The following GCSAML variants were observed in gnomAD, a reference collection of about 807,000 sequenced individuals.
GCSAML encodes germinal center associated signaling and motility like, also known as germinal center-associated signaling and motility-like protein.
A neutral mutation model predicts 13.0 loss-of-function variants in GCSAML; 9 were observed. That is an observed-to-expected ratio of 0.69 (90% CI 0.42 to 1.21). GCSAML has a LOEUF of 1.21. Ranked by LOEUF, GCSAML falls within the 50% of genes most tolerant of loss-of-function variation. The pLI is 0.00. For missense variants in GCSAML, 143 were observed against 153.4 expected (o/e 0.93, Z 0.36); for synonymous variants, 37 against 52.9 (o/e 0.70, Z 1.31).
chr1:247,560,205 T>TAG (rs1668076650), intron 2 of GCSAML, among the ~76,000 whole-genome samples: 1 of 152,226 alleles, frequency 6.6e-6, no homozygotes, highest in Admixed American at 6.5e-5. Context: ...GAACGACAGA[T>TAG]AACTGAGTGG....
intron 1 of GCSAML, among the ~76,000 whole-genome samples, chr1:247,550,503 G>A (rs893899977): frequency 6.6e-6 from 1 of 152,236 alleles, no homozygotes; most frequent in South Asian, 2.1e-4. Flanking sequence ...CGGGCGTGGT[G>A]GTGGGCACCT....
intron 2 of GCSAML, chr1:247,532,179 G>A (rs752389595): frequency 3.1e-6 from 5 of 1,614,066 alleles, no homozygotes; most frequent in Non-Finnish European, 4.2e-6. Flanking sequence ...GGACACACTC[G>A]GTTGCCCCCA....
At chr1:247,559,891 C>A (rs565241078) in intron 2 of GCSAML, among the ~76,000 whole-genome samples, 2 of 152,148 alleles carry the variant, frequency 1.3e-5, no homozygotes, top group Admixed American at 6.5e-5. Context: ...AATCTTATGA[C>A]CTTGTTTTAA....
chr1:247,570,815 A>C (rs1176058), intron 4 of GCSAML, among the ~76,000 whole-genome samples: 1 of 151,808 alleles, frequency 6.6e-6, no homozygotes. Flanking sequence ...GGGTGTTAAA[A>C]TCTCCCACTA....
chr1:247,525,037 C>T (rs750153949), intron 1 of GCSAML: 6 of 152,162 alleles, frequency 3.9e-5, no homozygotes, highest in Non-Finnish European at 8.8e-5. Flanking sequence ...GTTAGTGAAA[C>T]TGTGAGAATA....
At chr1:247,561,988 C>A (rs1668148884) in intron 2 of GCSAML, among the ~76,000 whole-genome samples, 1 of 152,130 alleles carries the variant, frequency 6.6e-6, no homozygotes, top group Non-Finnish European at 1.5e-5. Context: ...AGGCTTAAGA[C>A]CTGTCCTCTT....
intron 2 of GCSAML, among the ~76,000 whole-genome samples, chr1:247,536,608 G>T (rs1412188545): frequency 6.6e-6 from 1 of 152,178 alleles, no homozygotes; most frequent in African/African-American, 2.4e-5. Context: ...GAGCCTGAGG[G>T]TGATGGCATA....
chr1:247,509,601 C>T (rs533310362), intron 1 of GCSAML, among the ~76,000 whole-genome samples: 18 of 152,250 alleles, frequency 1.2e-4, no homozygotes, highest in African/African-American at 4.3e-4. Context: ...AAAATGCTTC[C>T]AGCTTTTGCC....
intron 3 of GCSAML, among the ~76,000 whole-genome samples, chr1:247,564,771 A>G (rs1258697837): frequency 6.6e-6 from 1 of 152,194 alleles, no homozygotes; most frequent in Non-Finnish European, 1.5e-5. Flanking sequence ...ATGGGGATGG[A>G]TTTCCTATTC....
intron 2 of GCSAML, chr1:247,528,346 A>G (rs960373665): frequency 3.3e-5 from 5 of 152,236 alleles, no homozygotes; most frequent in African/African-American, 1.2e-4. Context: ...GGTAATTAAC[A>G]TATCCATTAC....
intron 2 of GCSAML, chr1:247,528,901 A>G (rs1305426184): frequency 6.6e-6 from 1 of 152,184 alleles, no homozygotes; most frequent in East Asian, 1.9e-4. Context: ...CATCCACTGC[A>G]GAGATGGATC....
At chr1:247,514,429 T>C (rs1156393869) in intron 1 of GCSAML, among the ~76,000 whole-genome samples, 2 of 152,260 alleles carry the variant, frequency 1.3e-5, no homozygotes, top group Non-Finnish European at 2.9e-5. Context: ...CAGTTGTCTG[T>C]TAACTCTGCT....
chr1:247,552,879 C>T (rs1348213436), intron 1 of GCSAML, among the ~76,000 whole-genome samples: 3 of 152,108 alleles, frequency 2.0e-5, no homozygotes, highest in Non-Finnish European at 2.9e-5. Flanking sequence ...CCTCAGCCTA[C>T]CGAGTAGCTG....
At chr1:247,538,649 A>G (rs1244061127) in intron 2 of GCSAML, 1 of 433,566 alleles carries the variant, frequency 2.3e-6, no homozygotes, top group Non-Finnish European at 4.6e-6. Context: ...TGCCTACCCC[A>G]GTCTCTTTCT....
intron 2 of GCSAML, chr1:247,532,639 T>C (rs1572320861): frequency 1.1e-6 from 1 of 933,654 alleles, no homozygotes; most frequent in Non-Finnish European, 1.6e-6. Context: ...TATGTTATTC[T>C]TTTTTAGAGA....
Position 247,573,555 on chromosome 1 carries a change from A to G in GCSAML, c.169-588A>G, listed in dbSNP as rs549906255. Among the ~76,000 whole-genome samples the G allele has an allele frequency of 4.6e-5, 7 of 152,188 alleles. No individual in the cohort carries two copies. In the East Asian group the frequency reaches 1.4e-3, roughly 29 times the overall value. On this transcript the variant is annotated intron_variant, in intron 4 of 4. Transcript: ENST00000366488. ...CCAGTCCCAATGAGATGAACTGGGT[A>G]CCTCAGTTGGAAATGCAGAAATCAC... is the stretch of plus-strand genomic sequence containing the variant.
rs796928561 is a variant in GCSAML, at chr1:247,576,955, A to G, written c.*2573A>G. 1.3e-5 allele frequency: 2 copies of G among 152,340 alleles called. No individual in the cohort carries two copies. Among genetic ancestry groups the G allele is most frequent in the African/African-American group, 4.8e-5 (2 of 41,586 alleles). 9.4% of individuals were successfully genotyped at this position (152,340 alleles called of 1,614,324 possible). On this transcript the variant is annotated 3_prime_UTR_variant, in exon 5 of 5. Transcript: ENST00000366488. ...CAGAGAAGGGGCAAGCAATAGGTTA[A>G]TAAACAGTATTGATTGGTAGAAGGA...
chr1:247,562,662 T>G (rs1668174406), intron 2 of GCSAML, among the ~76,000 whole-genome samples: 1 of 152,074 alleles, frequency 6.6e-6, no homozygotes, highest in Non-Finnish European at 1.5e-5. Context: ...GTTATATCCT[T>G]TTTTCATATT....
chr1:247,547,322 C>T (rs1105488), upstream of GCSAML, among the ~76,000 whole-genome samples: 56,628 of 152,050 alleles, frequency 0.37, 12,501 homozygotes, highest in African/African-American at 0.62. Context: ...CTCCCTTTCA[C>T]GTAGCTCCTA....
Sources: allele counts gnomAD v4.1 joint callset (sites outside exome capture counted in the v4.1 genomes callset), GRCh38; gene constraint gnomAD v4.1.1; transcripts MANE v1.5; gene names NCBI Gene and HGNC (gene_info 2026-07-23, HGNC 2026-07-21).